Variants in LOC400499 observed in about 807,000 individuals in gnomAD.
chr16:11,401,320 C>A, the LOC400499 span: 1 of 399,146 alleles, frequency 2.5e-6, no homozygotes, highest in Non-Finnish European at 4.4e-6. Context: ...CCTCGGCTTG[C>A]CGCCAAGGGA....
At chr16:11,383,006 G>A in the LOC400499 span, among the ~76,000 whole-genome samples, 2 of 151,980 alleles carry the variant, frequency 1.3e-5, no homozygotes, top group African/African-American at 4.8e-5. Context: ...TTGGCTTCTG[G>A]GAGGCCTCAG....
the LOC400499 span, chr16:11,387,314 A>G: frequency 8.1e-7 from 1 of 1,232,142 alleles, no homozygotes; most frequent in Middle Eastern, 3.1e-4. Flanking sequence ...AATGCAGAGG[A>G]CAAGTCACTG....
the LOC400499 span, among the ~76,000 whole-genome samples, chr16:11,448,291 G>A: frequency 0.22 from 33,654 of 152,102 alleles, 4,255 homozygotes; most frequent in Non-Finnish European, 0.29. Flanking sequence ...TAGGTACCCG[G>A]GGGAAAGAAG....
chr16:11,377,610 T>G, the LOC400499 span, among the ~76,000 whole-genome samples: 13 of 152,274 alleles, frequency 8.5e-5, no homozygotes, highest in Non-Finnish European at 1.3e-4. Flanking sequence ...ATATCTTACA[T>G]TGATTTTTAT....
At chr16:11,469,059 G>C in the LOC400499 span, 4 of 398,074 alleles carry the variant, frequency 1.0e-5, no homozygotes, top group East Asian at 1.4e-4. Context: ...CTGGCAGGTA[G>C]AAAGGGAAGA....
At chr16:11,512,474 A>G in the LOC400499 span, among the ~76,000 whole-genome samples, 4 of 151,452 alleles carry the variant, frequency 2.6e-5, no homozygotes, top group Non-Finnish European at 5.9e-5. Flanking sequence ...ATGGTGGTGC[A>G]CACCTATAAT....
chr16:11,490,828 G>A, the LOC400499 span, among the ~76,000 whole-genome samples: 1 of 152,232 alleles, frequency 6.6e-6, no homozygotes, highest in African/African-American at 2.4e-5. Context: ...TAATACACAG[G>A]AGAACTGTTC....
the LOC400499 span, chr16:11,446,867 C>A: frequency 6.5e-7 from 1 of 1,536,082 alleles, no homozygotes; most frequent in Non-Finnish European, 8.7e-7. Flanking sequence ...GTGAAGGTCT[C>A]CTGCAGGAGG....
the LOC400499 span, among the ~76,000 whole-genome samples, chr16:11,378,412 T>G: frequency 6.6e-6 from 1 of 152,018 alleles, no homozygotes; most frequent in East Asian, 1.9e-4. Flanking sequence ...TACAGGCGCC[T>G]GCCACCACGC....
At chr16:11,457,541 C>T in the LOC400499 span, among the ~76,000 whole-genome samples, 5 of 147,718 alleles carry the variant, frequency 3.4e-5, no homozygotes, top group African/African-American at 2.5e-5. Context: ...TGCAGTGAGC[C>T]GAGATCGCAC....
the LOC400499 span, among the ~76,000 whole-genome samples, chr16:11,446,243 G>C: frequency 6.6e-6 from 1 of 152,068 alleles, no homozygotes; most frequent in African/African-American, 2.4e-5. Flanking sequence ...CAACATCCTG[G>C]GCTTAATCAG....
At chr16:11,508,360 T>C in the LOC400499 span, among the ~76,000 whole-genome samples, 15 of 152,224 alleles carry the variant, frequency 9.9e-5, no homozygotes, top group Non-Finnish European at 2.1e-4. Flanking sequence ...GGGCCATGTG[T>C]TTCTAACTTT....
At chr16:11,483,731 T>C in the LOC400499 span, among the ~76,000 whole-genome samples, 1 of 147,082 alleles carries the variant, frequency 6.8e-6, no homozygotes, top group African/African-American at 2.5e-5. Context: ...AAAAACTAGA[T>C]AGGCATGATG....
At chr16:11,408,040 T>C in the LOC400499 span, among the ~76,000 whole-genome samples, 1 of 128,558 alleles carries the variant, frequency 7.8e-6, no homozygotes, top group African/African-American at 2.8e-5. Context: ...TGAAGTGCAG[T>C]GGCACGATCT....
At chr16:11,437,488 G>T in the LOC400499 span, among the ~76,000 whole-genome samples, 1 of 152,224 alleles carries the variant, frequency 6.6e-6, no homozygotes, top group Non-Finnish European at 1.5e-5. Flanking sequence ...GAGCCTGGGT[G>T]GTGGAGGCTG....
chr16:11,457,030 G>A, the LOC400499 span: 8 of 1,527,174 alleles, frequency 5.2e-6, no homozygotes, highest in East Asian at 1.2e-4. Context: ...TCAGGCACCT[G>A]CAGCACAAAC....
At chr16:11,469,468 A>C in the LOC400499 span, 1 of 399,070 alleles carries the variant, frequency 2.5e-6, no homozygotes, top group Non-Finnish European at 4.4e-6. Flanking sequence ...TGTGGCACCG[A>C]GTGAGGGGCG....
chr16:11,447,278 AG>A, the LOC400499 span, among the ~76,000 whole-genome samples: 2 of 152,182 alleles, frequency 1.3e-5, no homozygotes, highest in Non-Finnish European at 2.9e-5. Flanking sequence ...TCTGTGCCTC[AG>A]TTTCCCCATC....
At chr16:11,479,874 G>T in the LOC400499 span, among the ~76,000 whole-genome samples, 1 of 152,046 alleles carries the variant, frequency 6.6e-6, no homozygotes, top group African/African-American at 2.4e-5. Context: ...GCGTCTCGTT[G>T]CTGTATCCCC....
Sources: allele counts gnomAD v4.1 joint callset (sites outside exome capture counted in the v4.1 genomes callset), GRCh38; gene constraint gnomAD v4.1.1; transcripts MANE v1.5.